Variants in COX7B2 observed in about 807,000 individuals in gnomAD.
COX7B2 encodes cytochrome c oxidase subunit 7B2, mitochondrial.
For missense variants in COX7B2, 109 were observed against 95.9 expected (o/e 1.14, Z -0.57); for synonymous variants, 37 against 32.1 (o/e 1.15, Z -0.51).
chr4:46,805,843 C>T (rs556875959), intron 2 of COX7B2, among the ~76,000 whole-genome samples: 9 of 152,244 alleles, frequency 5.9e-5, no homozygotes, highest in Non-Finnish European at 1.0e-4. Flanking sequence ...ATAGACATCT[C>T]TATGTAACCT....
chr4:46,889,897 T>C (rs1180136772), intron 1 of COX7B2, among the ~76,000 whole-genome samples: 2 of 146,518 alleles, frequency 1.4e-5, no homozygotes, highest in African/African-American at 5.0e-5. Flanking sequence ...CATTTCAGTA[T>C]GGTTTTTTTT....
intron 1 of COX7B2, among the ~76,000 whole-genome samples, chr4:46,874,228 A>G (rs1255983268): frequency 6.6e-6 from 1 of 152,236 alleles, no homozygotes; most frequent in East Asian, 1.9e-4. Context: ...TCAAAAATGT[A>G]TGTTTTATTT....
At chr4:46,827,993 CTATA>C (rs1236747550) in intron 2 of COX7B2, among the ~76,000 whole-genome samples, 2 of 152,058 alleles carry the variant, frequency 1.3e-5, no homozygotes, top group African/African-American at 4.8e-5. Context: ...TGGAAATTTT[CTATA>C]TGTTGTTTGC....
At chr4:46,896,593 C>A (rs1252966219) in intron 1 of COX7B2, among the ~76,000 whole-genome samples, 1 of 151,908 alleles carries the variant, frequency 6.6e-6, no homozygotes, top group East Asian at 1.9e-4. Flanking sequence ...AAACCTTCCT[C>A]TGGGGACTAT....
intron 2 of COX7B2, among the ~76,000 whole-genome samples, chr4:46,772,054 C>T (rs181845131): frequency 6.1e-4 from 89 of 145,262 alleles, no homozygotes; most frequent in African/African-American, 2.1e-3. Context: ...TGTAGATCAT[C>T]AGATAAATAT....
intron 2 of COX7B2, among the ~76,000 whole-genome samples, chr4:46,754,716 GTGTGTGTGTGTGTATATA>G (rs1424489178): frequency 4.6e-5 from 1 of 21,858 alleles, no homozygotes; most frequent in African/African-American, 2.4e-4. Flanking sequence ...GTGTGTGTGT[GTGTGTGTGTGTGTATATA>G]TATATATATA....
At chr4:46,798,988 T>C (rs1718509890) in intron 2 of COX7B2, among the ~76,000 whole-genome samples, 2 of 152,172 alleles carry the variant, frequency 1.3e-5, no homozygotes, top group Non-Finnish European at 2.9e-5. Flanking sequence ...CTACTCTTGA[T>C]ATATCTGGCT....
chr4:46,779,386 G>GTA lies in COX7B2; in HGVS notation c.-49-44147_-49-44146dup, dbSNP rs1002291778. Among the ~76,000 whole-genome samples the GTA allele has an allele frequency of 5.3e-5, 8 of 152,054 alleles. No homozygotes were observed. In the East Asian group the frequency reaches 9.6e-4, roughly 18 times the overall value. On this transcript the variant is annotated intron_variant, in intron 2 of 2. Transcript: ENST00000355591. ...CTAAGGTTGAATAATATTCCGTTGT[G>GTA]TATATATATATGTCTACATTTTATC...
chr4:46,785,869 T>C (rs947711302), intron 2 of COX7B2, among the ~76,000 whole-genome samples: 3 of 151,808 alleles, frequency 2.0e-5, no homozygotes, highest in Admixed American at 2.0e-4. Context: ...TACTCTCTCT[T>C]ATGGGGAAAA....
intron 2 of COX7B2, among the ~76,000 whole-genome samples, chr4:46,795,142 T>C (rs921687706): frequency 9.0e-5 from 12 of 133,552 alleles, no homozygotes; most frequent in Non-Finnish European, 1.8e-4. Context: ...TCTCCCATGT[T>C]GTAGGTTGCC....
At chr4:46,774,601 G>C (rs1201169569) in intron 2 of COX7B2, among the ~76,000 whole-genome samples, 2 of 151,982 alleles carry the variant, frequency 1.3e-5, no homozygotes, top group African/African-American at 4.8e-5. Flanking sequence ...TGTTGGTACT[G>C]ATGGCTATAC....
intron 1 of COX7B2, among the ~76,000 whole-genome samples, chr4:46,863,392 G>A (rs1282578363): frequency 1.3e-5 from 2 of 152,180 alleles, no homozygotes; most frequent in East Asian, 3.8e-4. Context: ...GTCTGTGTAA[G>A]TCATGATAAA....
intron 1 of COX7B2, among the ~76,000 whole-genome samples, chr4:46,880,334 GT>G (rs1401825256): frequency 6.8e-6 from 1 of 147,970 alleles, no homozygotes; most frequent in Non-Finnish European, 1.5e-5. Flanking sequence ...TTTTGGAATA[GT>G]TTTTGTAGGA....
chr4:46,897,803 C>T (rs1373438698), intron 1 of COX7B2, among the ~76,000 whole-genome samples: 1 of 152,202 alleles, frequency 6.6e-6, no homozygotes, highest in Admixed American at 6.5e-5. Context: ...AAACACCTCA[C>T]CCCTACCCTG....
At chr4:46,806,820 G>A (rs188558516) in intron 2 of COX7B2, among the ~76,000 whole-genome samples, 4 of 151,894 alleles carry the variant, frequency 2.6e-5, no homozygotes. Flanking sequence ...ATGTCTCCAG[G>A]CTAATCCATG....
At chr4:46,878,415 A>G (rs1718481897) in intron 1 of COX7B2, among the ~76,000 whole-genome samples, 1 of 151,964 alleles carries the variant, frequency 6.6e-6, no homozygotes, top group African/African-American at 2.4e-5. Context: ...ATAAAAAAAA[A>G]GGTGATGGAT....
Position 46,870,811 on chromosome 4 carries a change from C to A in COX7B2, c.-104-25797G>T, listed in dbSNP as rs895149582. Among the ~76,000 whole-genome samples, 4 of 151,890 alleles carry A rather than the reference C, an allele frequency of 2.6e-5. No individual in the cohort carries two copies. The South Asian group carries it at 8.3e-4, about 32-fold the overall frequency. Reference sequence around the variant, plus strand: ...GTGAAAGATCTCTACAATGAGAATTCCAAAGCACTTGTAATTGAATCATAG... The same window carrying A: ...GTGAAAGATCTCTACAATGAGAATTACAAAGCACTTGTAATTGAATCATAG... On this transcript the variant is annotated intron_variant, in intron 1 of 2. Transcript: ENST00000355591.
chr4:46,885,276 A>G (rs569963368), intron 1 of COX7B2, among the ~76,000 whole-genome samples: 18 of 152,160 alleles, frequency 1.2e-4, no homozygotes, highest in Non-Finnish European at 2.6e-4. Context: ...ATTATATTTT[A>G]GCAGGGAAAA....
chr4:46,887,124 G>A (rs1004569493), intron 1 of COX7B2, among the ~76,000 whole-genome samples: 1 of 151,996 alleles, frequency 6.6e-6, no homozygotes, highest in Non-Finnish European at 1.5e-5. Context: ...GAGAGGGAAC[G>A]AATCCCATTT....
Sources: allele counts gnomAD v4.1 joint callset (sites outside exome capture counted in the v4.1 genomes callset), GRCh38; gene constraint gnomAD v4.1.1; transcripts MANE v1.5; gene names NCBI Gene and HGNC (gene_info 2026-07-23, HGNC 2026-07-21).